PREX2: variants seen among roughly 807,000 people sequenced by gnomAD.
PREX2 encodes the protein phosphatidylinositol-3,4,5-trisphosphate dependent Rac exchange factor 2.
In PREX2, 107 loss-of-function variants were observed where a neutral mutation model predicts 203.2. The ratio of observed to expected loss-of-function variants is 0.53; its 90% CI spans 0.45 to 0.62. The LOEUF (loss-of-function observed/expected upper bound fraction) is 0.62. Among genes scored for constraint, PREX2 ranks in the 20% least tolerant of loss-of-function variants. PREX2 has a pLI of 0.00. For missense variants in PREX2, 1,777 were observed against 1,955.9 expected (o/e 0.91, Z 1.72); for synonymous variants, 672 against 663.6 (o/e 1.01, Z -0.19).
intron 37 of PREX2, among the ~76,000 whole-genome samples, chr8:68,217,370 A>G (rs556103639): frequency 1.3e-5 from 2 of 152,326 alleles, no homozygotes; most frequent in Non-Finnish European, 2.9e-5. Context: ...TTTTCTGTAG[A>G]TAAGTGCTCT....
At chr8:68,129,300 T>G (rs183119739) in intron 31 of PREX2, among the ~76,000 whole-genome samples, 1 of 152,284 alleles carries the variant, frequency 6.6e-6, no homozygotes, top group East Asian at 1.9e-4. Context: ...TTTTATTCAT[T>G]AATGCTCAAA....
At chr8:68,114,733 C>T (rs1810606789) in intron 25 of PREX2, among the ~76,000 whole-genome samples, 1 of 152,208 alleles carries the variant, frequency 6.6e-6, no homozygotes, top group Non-Finnish European at 1.5e-5. Context: ...GCAGATTTAC[C>T]CCATCCTCAC....
intron 38 of PREX2, among the ~76,000 whole-genome samples, chr8:68,223,885 G>A (rs984254759): frequency 5.9e-5 from 9 of 152,126 alleles, no homozygotes; most frequent in Non-Finnish European, 8.8e-5. Context: ...AATGATTCAC[G>A]TAAGAGAAAA....
intron 35 of PREX2, among the ~76,000 whole-genome samples, chr8:68,171,410 C>T (rs1811874263): frequency 6.6e-6 from 1 of 151,850 alleles, no homozygotes; most frequent in African/African-American, 2.4e-5. Context: ...AATGTCTGGC[C>T]AGAAGTGTGT....
At chr8:68,067,650 A>G (rs1387451691) in intron 11 of PREX2, among the ~76,000 whole-genome samples, 1 of 152,034 alleles carries the variant, frequency 6.6e-6, no homozygotes, top group Non-Finnish European at 1.5e-5. Flanking sequence ...TTCTATATAT[A>G]AGTTCATGCC....
chr8:67,968,560 T>A (rs1037890383), intron 1 of PREX2, among the ~76,000 whole-genome samples: 1 of 152,210 alleles, frequency 6.6e-6, no homozygotes, highest in African/African-American at 2.4e-5. Context: ...CTGTCTGTAT[T>A]TTTTTGATAA....
intron 14 of PREX2, among the ~76,000 whole-genome samples, chr8:68,073,704 T>C (rs777538055): frequency 2.6e-5 from 4 of 152,170 alleles, no homozygotes; most frequent in Non-Finnish European, 5.9e-5. Flanking sequence ...CTGTGGGCAA[T>C]GTGTGTCATT....
chr8:68,001,422 C>T (rs1433967869), intron 1 of PREX2, among the ~76,000 whole-genome samples: 2 of 152,040 alleles, frequency 1.3e-5, no homozygotes, highest in Non-Finnish European at 2.9e-5. Context: ...CAGAATAGCT[C>T]TTATTAAAAT....
At chr8:68,101,266 G>A (rs369154329) in intron 23 of PREX2, 3 of 485,790 alleles carry the variant, frequency 6.2e-6, no homozygotes, top group African/African-American at 2.0e-5. Context: ...AATACCCAAG[G>A]GACTCACAAC....
chr8:68,162,294 G>T (rs1206786493), intron 35 of PREX2, among the ~76,000 whole-genome samples: 1 of 151,948 alleles, frequency 6.6e-6, no homozygotes, highest in Non-Finnish European at 1.5e-5. Flanking sequence ...TTAGAAAGAG[G>T]TTTTCTCAAT....
At chr8:67,978,987 T>C (rs1335091654) in intron 1 of PREX2, among the ~76,000 whole-genome samples, 1 of 152,192 alleles carries the variant, frequency 6.6e-6, no homozygotes, top group Non-Finnish European at 1.5e-5. Context: ...GTATAAAAAA[T>C]AGGAAATGTC....
chr8:68,183,959 G>T (rs144173336), intron 35 of PREX2, among the ~76,000 whole-genome samples: 5 of 152,200 alleles, frequency 3.3e-5, no homozygotes, highest in African/African-American at 1.2e-4. Flanking sequence ...TTGGTAATAG[G>T]CAGTTCAATG....
chr8:68,206,842 A>C (rs1021276297), intron 37 of PREX2, among the ~76,000 whole-genome samples: 1 of 152,190 alleles, frequency 6.6e-6, no homozygotes, highest in East Asian at 1.9e-4. Context: ...ATGTCTTGAC[A>C]GTGGAGCCGC....
intron 35 of PREX2, among the ~76,000 whole-genome samples, chr8:68,183,597 G>A (rs1187305586): frequency 6.6e-6 from 1 of 152,072 alleles, no homozygotes; most frequent in Non-Finnish European, 1.5e-5. Flanking sequence ...ACATATCGCA[G>A]GAGCAGGAGA....
At chr8:68,047,512 TAC>T (rs1563517032) in intron 8 of PREX2, among the ~76,000 whole-genome samples, 40 of 113,234 alleles carry the variant, frequency 3.5e-4, no homozygotes, top group Middle Eastern at 8.5e-3. Context: ...TATATACACA[TAC>T]ATATATATAT....
intron 35 of PREX2, among the ~76,000 whole-genome samples, chr8:68,163,167 A>G (rs543975661): frequency 1.5e-4 from 23 of 152,342 alleles, no homozygotes; most frequent in Middle Eastern, 3.4e-3. Flanking sequence ...GTACACATGT[A>G]TACACAAAAA....
At chr8:68,103,060 G>A in intron 23 of PREX2, 1 of 455,400 alleles carries the variant, frequency 2.2e-6, no homozygotes, top group South Asian at 1.6e-5. Context: ...GGTATTGGGA[G>A]TACTTCCTAG....
At chr8:68,108,378 G>A (rs1284950619) in intron 24 of PREX2, 47 bp downstream of exon 24, 25 of 1,383,890 alleles carry the variant, frequency 1.8e-5, no homozygotes, top group Non-Finnish European at 2.3e-5. Context: ...AGCAATTTAG[G>A]CAATCATAGC....
Position 68,227,787 on chromosome 8 carries a change from A to G in PREX2, c.4775+3161A>G, listed in dbSNP as rs554427467. Among the ~76,000 whole-genome samples the G allele has an allele frequency of 1.4e-4, 21 of 152,288 alleles. No homozygotes were observed. In the South Asian group the frequency reaches 4.4e-3, roughly 32 times the overall value. On this transcript the variant is annotated intron_variant, in intron 39 of 39. Transcript: ENST00000288368. ...CACTACTGGGAGAGTGAATATAATA[A>G]TTTAGGAAATCAGAAAGCTAGAAAG...
Sources: allele counts gnomAD v4.1 joint callset (sites outside exome capture counted in the v4.1 genomes callset), GRCh38; gene constraint gnomAD v4.1.1; transcripts MANE v1.5; gene names NCBI Gene and HGNC (gene_info 2026-07-23, HGNC 2026-07-21).